The following LRRFIP2 variants were observed in gnomAD, a reference collection of about 807,000 sequenced individuals.
LRRFIP2 encodes LRR binding FLII interacting protein 2.
Under a neutral mutation model 125.9 loss-of-function variants are expected in LRRFIP2, and 109 were observed. The ratio of observed to expected loss-of-function variants is 0.87; its 90% confidence interval spans 0.74 to 1.01. The LOEUF is 1.01. LRRFIP2 is among the 50% of genes least tolerant of loss of function. LRRFIP2 has a pLI of 0.00. For missense variants in LRRFIP2, 850 were observed against 862.3 expected, an observed-to-expected ratio of 0.99 and a Z score of 0.18; for synonymous variants, 291 against 293.1, an observed-to-expected ratio of 0.99 and a Z score of 0.07.
In LRRFIP2 at chr3:37,109,686, G is replaced by A. The variant is rs2094481733; in HGVS notation, c.531C>T (p.Tyr177=). 6.2e-7 allele frequency: 1 copy of A among 1,614,000 alleles called. No individual in the cohort carries two copies. ...TCTTATATGTTGCCAGAGGGTCACTGTACAGGGAAGAAGACTGCTAAGAGA... is the reference window on the plus strand; with the variant it reads ...TCTTATATGTTGCCAGAGGGTCACTATACAGGGAAGAAGACTGCTAAGAGA... ...AYYTRQSSSL[Y]SDPLATYKSD... Residue 177 remains tyrosine, a synonymous_variant, in exon 10 of 28, where the codon TAC becomes TAT. Transcript: ENST00000336686.
intron 6 of LRRFIP2, among the ~76,000 whole-genome samples, chr3:37,119,253 A>G (rs1408533157): frequency 6.6e-6 from 1 of 152,194 alleles, no homozygotes; most frequent in Non-Finnish European, 1.5e-5. Flanking sequence ...TTCAAAATCA[A>G]CATAATGAAA....
At chr3:37,054,315 C>A in intron 27 of LRRFIP2, 96 bp downstream of exon 27, 2 of 1,006,994 alleles carry the variant, frequency 2.0e-6, no homozygotes, top group Non-Finnish European at 1.5e-6. Flanking sequence ...CTGCTGTTTC[C>A]TTAAGTATCA....
chr3:37,063,046 C>T (rs2089203883), intron 24 of LRRFIP2, among the ~76,000 whole-genome samples: 1 of 152,146 alleles, frequency 6.6e-6, no homozygotes. Flanking sequence ...ACACCAGATG[C>T]ATCTGAAAAT....
chr3:37,161,327 C>T (rs760270600), intron 1 of LRRFIP2, among the ~76,000 whole-genome samples: 21 of 151,932 alleles, frequency 1.4e-4, no homozygotes, highest in Admixed American at 7.2e-4. Flanking sequence ...TGCACTCCGT[C>T]CAGCCTGGGC....
chr3:37,093,605 GT>G (rs1333317507), intron 17 of LRRFIP2, among the ~76,000 whole-genome samples: 1 of 152,098 alleles, frequency 6.6e-6, no homozygotes, highest in African/African-American at 2.4e-5. Context: ...GAACCACAGG[GT>G]TACTGAACTT....
chr3:37,057,329 G>A (rs1427868467), intron 25 of LRRFIP2, among the ~76,000 whole-genome samples: 3 of 152,128 alleles, frequency 2.0e-5, no homozygotes, highest in African/African-American at 7.2e-5. Flanking sequence ...AACTGGTTCA[G>A]GCTCACCACT....
chr3:37,133,798 T>A (rs1396878327), intron 2 of LRRFIP2, among the ~76,000 whole-genome samples: 4 of 152,188 alleles, frequency 2.6e-5, no homozygotes, highest in Admixed American at 6.5e-5. Context: ...ATAAATTTCA[T>A]GTTACATATA....
chr3:37,172,969 G>A (rs960597257), intron 1 of LRRFIP2: 4 of 152,192 alleles, frequency 2.6e-5, no homozygotes, highest in Admixed American at 2.0e-4. Flanking sequence ...AAGGCGGGCA[G>A]ATCACGAGGT....
intron 27 of LRRFIP2, 31 bp from the exon 28 acceptor site, chr3:37,053,992 G>A (rs1260628578): frequency 7.7e-7 from 1 of 1,296,778 alleles, no homozygotes; most frequent in African/African-American, 1.5e-5. Context: ...GTCACTACAT[G>A]TGGTCAGAAA....
intron 1 of LRRFIP2, among the ~76,000 whole-genome samples, chr3:37,169,818 G>GAAAAAGATAATCCATGA (rs564356197): frequency 2.4e-3 from 361 of 152,278 alleles, no homozygotes; most frequent in Middle Eastern, 6.8e-3. Context: ...GAAAACAATG[G>GAAAAAGATAATCCATGA]AAAAAGATAA....
intron 2 of LRRFIP2, among the ~76,000 whole-genome samples, chr3:37,131,224 T>C (rs2095420147): frequency 6.6e-6 from 1 of 152,132 alleles, no homozygotes; most frequent in Non-Finnish European, 1.5e-5. Context: ...CTGGACTCTA[T>C]TGTGTTCTGT....
chr3:37,117,586 T>A (rs890495972), intron 6 of LRRFIP2, among the ~76,000 whole-genome samples: 17 of 151,798 alleles, frequency 1.1e-4, no homozygotes, highest in Non-Finnish European at 2.2e-4. Context: ...AAAAAGAAAA[T>A]TTTTTTTAAC....
chr3:37,110,255 C>T (rs1401610649), intron 9 of LRRFIP2, among the ~76,000 whole-genome samples: 1 of 152,148 alleles, frequency 6.6e-6, no homozygotes, highest in Non-Finnish European at 1.5e-5. Context: ...ATAAATTGTA[C>T]TAGTCAATGA....
intron 24 of LRRFIP2, 73 bp downstream of exon 24, chr3:37,063,669 C>CCAGT: frequency 9.2e-7 from 1 of 1,081,400 alleles, no homozygotes; most frequent in Non-Finnish European, 1.4e-6. Flanking sequence ...TTTTAATGAA[C>CCAGT]ATTTCAATTA....
chr3:37,083,949 T>C, intron 18 of LRRFIP2, 143 bp from the exon 19 acceptor site: 2 of 578,792 alleles, frequency 3.5e-6, no homozygotes, highest in Admixed American at 4.1e-5. Flanking sequence ...CCTTGTTTAG[T>C]AACATGCATG....
At chr3:37,172,777 C>T (rs998825238) in intron 1 of LRRFIP2, 14 of 152,226 alleles carry the variant, frequency 9.2e-5, no homozygotes, top group Admixed American at 3.9e-4. Context: ...AAGTATAACA[C>T]ATGATCAACC....
intron 1 of LRRFIP2, among the ~76,000 whole-genome samples, chr3:37,167,933 G>C (rs2096532253): frequency 6.6e-6 from 1 of 152,168 alleles, no homozygotes; most frequent in African/African-American, 2.4e-5. Flanking sequence ...CTGTGGTCGG[G>C]CCATTGCATT....
intron 19 of LRRFIP2, among the ~76,000 whole-genome samples, chr3:37,075,738 G>A (rs1366502868): frequency 1.3e-5 from 2 of 151,964 alleles, no homozygotes; most frequent in Admixed American, 6.6e-5. Context: ...ACAAGAAAAA[G>A]TAGCCAGAAA....
chr3:37,126,422 G>A lies in LRRFIP2; in HGVS notation c.228+1208C>T, dbSNP rs556059337. ...TCTGAAAAGAAATGCCACTTTCTCTGCAGGTCCAAGTCCTGCCCATAAATC... is the reference window on the plus strand; with the variant it reads ...TCTGAAAAGAAATGCCACTTTCTCTACAGGTCCAAGTCCTGCCCATAAATC... On this transcript the variant is annotated intron_variant, in intron 4 of 27. Coordinates refer to ENST00000336686, the MANE Select transcript of LRRFIP2 (RefSeq NM_006309.4). 1.7e-4 allele frequency among the ~76,000 whole-genome samples: 26 copies of A among 152,206 alleles called. No individual in the cohort carries two copies. The South Asian group carries it at 2.7e-3, about 16-fold the overall frequency.
Sources: gnomAD v4.1 joint callset for allele counts (sites outside exome capture counted in the v4.1 genomes callset) on GRCh38, gnomAD v4.1.1 for gene constraint, MANE v1.5 for transcripts, NCBI Gene and HGNC (gene_info 2026-07-23, HGNC 2026-07-21) for gene names.